The following GRM1 variants were observed in gnomAD, a reference collection of about 807,000 sequenced individuals.
The protein encoded by GRM1 is metabotropic glutamate receptor 1.
Under a neutral mutation model 90.9 loss-of-function variants are expected in GRM1, and 33 were observed. The observed-to-expected ratio is 0.36, with a 90% confidence interval of 0.28 to 0.49. The LOEUF (loss-of-function observed/expected upper bound fraction) is 0.49, where lower values mean the gene tolerates loss of function less well. Among genes scored for constraint, GRM1 ranks in the 20% least tolerant of loss-of-function variants. The pLI is 0.99. For synonymous variants in GRM1, 700 were observed against 613.2 expected (o/e 1.14, Z -2.09); for missense variants, 1,190 against 1,534.3 (o/e 0.78, Z 3.75).
intron 5 of GRM1, among the ~76,000 whole-genome samples, chr6:146,361,412 C>T (rs1295855734): frequency 6.6e-6 from 1 of 152,156 alleles, no homozygotes; most frequent in Non-Finnish European, 1.5e-5. Context: ...TGCAAGCAAA[C>T]ATCAGGGGCC....
At chr6:146,404,582 T>C (rs1777271621) in intron 7 of GRM1, among the ~76,000 whole-genome samples, 1 of 152,184 alleles carries the variant, frequency 6.6e-6, no homozygotes, top group Non-Finnish European at 1.5e-5. Context: ...GGAGAAATTG[T>C]GCTATGCTAG....
intron 2 of GRM1, among the ~76,000 whole-genome samples, chr6:146,189,361 C>T (rs557724092): frequency 2.6e-5 from 4 of 152,324 alleles, no homozygotes; most frequent in Non-Finnish European, 5.9e-5. Context: ...ACTATGACAT[C>T]CTGCTGCTTT....
At chr6:146,096,330 T>C (rs1291630498) in intron 1 of GRM1, among the ~76,000 whole-genome samples, 4 of 152,150 alleles carry the variant, frequency 2.6e-5, no homozygotes, top group Non-Finnish European at 5.9e-5. Flanking sequence ...ACCTGGAGAT[T>C]AGCTAGTTCA....
intron 1 of GRM1, among the ~76,000 whole-genome samples, chr6:146,050,072 T>A (rs1295109635): frequency 1.3e-5 from 2 of 151,970 alleles, no homozygotes. Context: ...TCAGCATTTT[T>A]AATGTCTAAG....
chr6:146,139,766 T>C (rs1022966391), intron 1 of GRM1, among the ~76,000 whole-genome samples: 2 of 152,194 alleles, frequency 1.3e-5, no homozygotes, highest in African/African-American at 4.8e-5. Context: ...CTTTCAATCA[T>C]TCCATATCTT....
chr6:146,159,243 C>A, intron 1 of GRM1, 105 bp from the exon 2 acceptor site: 2 of 1,357,870 alleles, frequency 1.5e-6, no homozygotes, highest in Non-Finnish European at 2.1e-6. Context: ...AATTATTTGG[C>A]AAGTCCGTTC....
intron 3 of GRM1, among the ~76,000 whole-genome samples, chr6:146,312,783 C>A (rs927444462): frequency 6.6e-6 from 1 of 152,174 alleles, no homozygotes; most frequent in South Asian, 2.1e-4. Context: ...AATATCCTGA[C>A]GAATTACAAC....
intron 1 of GRM1, among the ~76,000 whole-genome samples, chr6:146,150,988 A>T (rs995173331): frequency 6.6e-6 from 1 of 151,668 alleles, no homozygotes; most frequent in African/African-American, 2.4e-5. Context: ...CTATCCATTC[A>T]TCCCAGTGAA....
intron 1 of GRM1, among the ~76,000 whole-genome samples, chr6:146,035,349 C>T (rs1035827231): frequency 6.6e-6 from 1 of 151,702 alleles, no homozygotes; most frequent in African/African-American, 2.4e-5. Context: ...GAACTTTGGC[C>T]AAGAGAACAT....
chr6:146,415,346 G>A (rs1475260361), intron 7 of GRM1, among the ~76,000 whole-genome samples: 1 of 152,136 alleles, frequency 6.6e-6, no homozygotes, highest in Non-Finnish European at 1.5e-5. Flanking sequence ...CTGGGAGTTA[G>A]GATTTCAATG....
chr6:146,105,670 G>GT (rs879397626), intron 1 of GRM1, among the ~76,000 whole-genome samples: 1 of 151,802 alleles, frequency 6.6e-6, no homozygotes, highest in Non-Finnish European at 1.5e-5. Context: ...TGTTTTTATA[G>GT]TTTTAGCATA....
intron 7 of GRM1, among the ~76,000 whole-genome samples, chr6:146,421,847 A>G (rs1487644984): frequency 6.6e-6 from 1 of 152,178 alleles, no homozygotes; most frequent in East Asian, 1.9e-4. Flanking sequence ...CAGAGAGCCT[A>G]CACACATACC....
At chr6:146,394,794 A>T (rs191150219) in intron 6 of GRM1, among the ~76,000 whole-genome samples, 1 of 152,280 alleles carries the variant, frequency 6.6e-6, no homozygotes, top group African/African-American at 2.4e-5. Context: ...TAAGCACGCT[A>T]TTTGAACTAG....
At chr6:146,040,662 C>A (rs1562421976) in intron 1 of GRM1, among the ~76,000 whole-genome samples, 1 of 151,956 alleles carries the variant, frequency 6.6e-6, no homozygotes, top group African/African-American at 2.4e-5. Flanking sequence ...GTTTTCCTTT[C>A]TCTTGCTCCT....
At chr6:146,111,406 C>T (rs1176484599) in intron 1 of GRM1, among the ~76,000 whole-genome samples, 2 of 152,132 alleles carry the variant, frequency 1.3e-5, no homozygotes, top group African/African-American at 2.4e-5. Flanking sequence ...ATGAACAAGA[C>T]ACACAAAGAC....
At chr6:146,129,909 A>G (rs952324963) in intron 1 of GRM1, among the ~76,000 whole-genome samples, 18 of 151,368 alleles carry the variant, frequency 1.2e-4, no homozygotes, top group African/African-American at 4.4e-4. Context: ...CAGATTTTTT[A>G]TTTTGTTTTT....
chr6:146,193,510 G>A (rs2114589603), intron 2 of GRM1, among the ~76,000 whole-genome samples: 1 of 152,292 alleles, frequency 6.6e-6, no homozygotes, highest in East Asian at 1.9e-4. Flanking sequence ...GTGGTCACCT[G>A]TGTCAAGGGC....
At position 146,159,637 on chromosome 6, in the gene GRM1, T is replaced by TCA. The variant is rs769985293; in HGVS notation, c.950+41_950+42insAC. The TCA allele has an allele frequency of 1.3e-4, 169 of 1,261,268 alleles. No homozygotes were observed. The African/African-American group carries it at 2.7e-3, about 20-fold the overall frequency. 78.1% of individuals were successfully genotyped at this position (1,261,268 alleles called of 1,614,324 possible). A position where few individuals can be genotyped will look rare whatever the true frequency, so the allele number is the denominator to read the frequency against. ...CTCTCTCTCTCTCTCTCTCTCTCTC[T>TCA]CTCTCACACACACACATGCACACAC... On this transcript the variant is annotated intron_variant, in intron 2 of 7. Transcript: ENST00000282753.
At chr6:146,270,508 T>C (rs1212858002) in intron 2 of GRM1, among the ~76,000 whole-genome samples, 1 of 152,098 alleles carries the variant, frequency 6.6e-6, no homozygotes, top group African/African-American at 2.4e-5. Flanking sequence ...AGAACAAATA[T>C]AGGAAAAAAA....
Sources: allele counts gnomAD v4.1 joint callset (sites outside exome capture counted in the v4.1 genomes callset), GRCh38; gene constraint gnomAD v4.1.1; transcripts MANE v1.5; gene names NCBI Gene and HGNC (gene_info 2026-07-23, HGNC 2026-07-21).